The following DUSP10 variants were observed in gnomAD, a reference collection of about 807,000 sequenced individuals.
DUSP10 encodes the protein dual specificity protein phosphatase 10.
DUSP10 carries 14 observed loss-of-function variants against 30.8 expected under a neutral mutation model. The ratio of observed to expected loss-of-function variants is 0.46; its 90% CI spans 0.30 to 0.71. The LOEUF (loss-of-function observed/expected upper bound fraction) is 0.71. Ranked by LOEUF, DUSP10 falls within the 30% of genes least tolerant of loss-of-function variation. The pLI, the probability that DUSP10 is intolerant of heterozygous loss-of-function variation, is 0.08. For missense variants in DUSP10, 550 were observed against 619.4 expected (o/e 0.89, Z 1.19); for synonymous variants, 254 against 250.4 (o/e 1.01, Z -0.14).
chr1:221,725,388 C>A lies in DUSP10; in HGVS notation c.811+13546G>T, dbSNP rs974450555. On this transcript the variant is annotated intron_variant, in intron 2 of 3. Transcript: ENST00000366899. Reference sequence around the variant, plus strand: ...ATGATATACCACATTCAGCTCCTCCCAATCTTTGTAAGAGAGGGCTTCCTG... The same window carrying A: ...ATGATATACCACATTCAGCTCCTCCAAATCTTTGTAAGAGAGGGCTTCCTG... 2.4e-4 allele frequency among the ~76,000 whole-genome samples: 37 copies of A among 152,140 alleles called. 1 individual carries two copies. The highest frequency in any genetic ancestry group is 1.5e-5 in the Non-Finnish European group (1 of 68,038).
chr1:221,707,073 C>A (rs887775176), intron 2 of DUSP10, among the ~76,000 whole-genome samples: 1 of 152,198 alleles, frequency 6.6e-6, no homozygotes, highest in African/African-American at 2.4e-5. Flanking sequence ...TCAGTTCCAC[C>A]ATCTGTAAAC....
At position 221,706,871 on chromosome 1, in the gene DUSP10, C is replaced by T. The variant is rs748117127; in HGVS notation, c.812-405G>A. Among the ~76,000 whole-genome samples the T allele has an allele frequency of 6.6e-6, 1 of 152,148 alleles. No individual in the cohort carries two copies. The highest frequency in any genetic ancestry group is 1.5e-5 in the Non-Finnish European group (1 of 68,026). On this transcript the variant is annotated intron_variant, in intron 2 of 3. Transcript: ENST00000366899. The surrounding 1 kb of genome is among the most constrained non-coding windows in gnomAD (Gnocchi z 4.6). ...CCAAGAAAGGCACAGATGACCTCCT[C>T]GGGTGGAATCTCAGCACCACAGGAG...
chr1:221,708,115 A>T (rs969209386), intron 2 of DUSP10, among the ~76,000 whole-genome samples: 1 of 152,238 alleles, frequency 6.6e-6, no homozygotes, highest in African/African-American at 2.4e-5. Flanking sequence ...GGGGAAGTGG[A>T]AAAGTCCTAT....
chr1:221,705,997 T>C (rs1660747433), intron 3 of DUSP10, 98 bp downstream of exon 3: 1 of 1,508,806 alleles, frequency 6.6e-7, no homozygotes, highest in East Asian at 2.3e-5. Context: ...GCAGCTTTTC[T>C]TTTCCAACAC....
chr1:221,718,782 T>A (rs970155162), intron 2 of DUSP10, among the ~76,000 whole-genome samples: 4 of 152,238 alleles, frequency 2.6e-5, no homozygotes, highest in African/African-American at 9.6e-5. Context: ...ACATCACAGC[T>A]TCACAGCAAA....
intron 2 of DUSP10, among the ~76,000 whole-genome samples, chr1:221,719,684 A>G (rs1661221426): frequency 6.6e-6 from 1 of 152,174 alleles, no homozygotes; most frequent in African/African-American, 2.4e-5. Flanking sequence ...TGCATCCCGT[A>G]TCTGGCACCA....
At chr1:221,704,916 G>A (rs933611099) in intron 3 of DUSP10, among the ~76,000 whole-genome samples, 7 of 152,044 alleles carry the variant, frequency 4.6e-5, no homozygotes, top group African/African-American at 7.2e-5. Flanking sequence ...TAAACCTGAG[G>A]CTGTTTTTTT....
intron 2 of DUSP10, among the ~76,000 whole-genome samples, chr1:221,728,905 C>T (rs1293718416): frequency 6.6e-6 from 1 of 152,106 alleles, no homozygotes; most frequent in Non-Finnish European, 1.5e-5. Flanking sequence ...TCCTTCTATC[C>T]ACAGGCTACT....
chr1:221,712,655 A>G (rs2102622442), intron 2 of DUSP10, among the ~76,000 whole-genome samples: 1 of 152,174 alleles, frequency 6.6e-6, no homozygotes, highest in South Asian at 2.1e-4. Context: ...TTAGGAAGAT[A>G]TATCTAAAAA....
chr1:221,729,581 T>C (rs1179967530), intron 2 of DUSP10, among the ~76,000 whole-genome samples: 1 of 152,212 alleles, frequency 6.6e-6, no homozygotes, highest in Admixed American at 6.5e-5. Flanking sequence ...ACAGAGCTTC[T>C]CTGAGAACTA....
At chr1:221,731,882 C>G (rs945713908) in intron 2 of DUSP10, among the ~76,000 whole-genome samples, 25 of 151,780 alleles carry the variant, frequency 1.6e-4, no homozygotes, top group African/African-American at 5.8e-4. Flanking sequence ...GCTGGGATTA[C>G]AGGCATGAGC....
intron 2 of DUSP10, among the ~76,000 whole-genome samples, chr1:221,736,111 G>T (rs1661760395): frequency 6.6e-6 from 1 of 152,184 alleles, no homozygotes; most frequent in African/African-American, 2.4e-5. Flanking sequence ...GGGCTGCCAT[G>T]CCTCTGATCG....
chr1:221,736,779 C>T (rs1418125983), intron 2 of DUSP10: 22 of 980,710 alleles, frequency 2.2e-5, no homozygotes, highest in African/African-American at 3.5e-5. Flanking sequence ...TCCTGAACTA[C>T]ATATTTTCAA....
rs1571802460 is a variant in DUSP10 at position 221,701,549 on chromosome 1, G to A, written c.*863C>T. 1.6e-5 allele frequency: 2 copies of A among 125,666 alleles called. No homozygotes were observed. Among genetic ancestry groups the A allele is most frequent in the Admixed American group, 8.5e-5 (1 of 11,770 alleles). The allele number at this position is 125,666 out of a possible 1,614,324, so 7.8% of individuals were successfully genotyped here. A position where few individuals can be genotyped will look rare whatever the true frequency, so the allele number is the denominator to read the frequency against. On this transcript the variant is annotated 3_prime_UTR_variant, in exon 4 of 4. Transcript: ENST00000366899. ...TTTTCTTACATTCTGATATACATAT[G>A]TAACAAGGTTTATGGCACTGTAACC... is the stretch of plus-strand genomic sequence containing the variant.
At chr1:221,719,649 C>T (rs114996548) in intron 2 of DUSP10, among the ~76,000 whole-genome samples, 116 of 152,288 alleles carry the variant, frequency 7.6e-4, no homozygotes, top group Non-Finnish European at 1.4e-3. Context: ...ACCTGGGGCA[C>T]GCAGAATGAA....
intron 2 of DUSP10, among the ~76,000 whole-genome samples, chr1:221,733,813 A>C (rs1047991171): frequency 6.6e-6 from 1 of 152,220 alleles, no homozygotes; most frequent in Non-Finnish European, 1.5e-5. Context: ...TAAGTGAGCA[A>C]AATTTCACTC....
intron 2 of DUSP10, among the ~76,000 whole-genome samples, chr1:221,726,488 C>G (rs1286107915): frequency 1.3e-5 from 2 of 151,658 alleles, no homozygotes; most frequent in Non-Finnish European, 2.9e-5. Flanking sequence ...TGTGAGAAAC[C>G]CTGAAAAACA....
chr1:221,712,777 C>CAAAAAAAAAAAAAAA (rs58249338), intron 2 of DUSP10, among the ~76,000 whole-genome samples: 2 of 56,950 alleles, frequency 3.5e-5, no homozygotes, highest in Admixed American at 2.2e-4. Flanking sequence ...TATAAAGCAG[C>CAAAAAAAAAAAAAAA]AAAAAAAAAA....
chr1:221,714,053 T>C (rs942097562), intron 2 of DUSP10, among the ~76,000 whole-genome samples: 1 of 152,160 alleles, frequency 6.6e-6, no homozygotes, highest in Non-Finnish European at 1.5e-5. Context: ...TATTTAGTAA[T>C]GTTTTAAGAG....
Sources: allele counts gnomAD v4.1 joint callset (sites outside exome capture counted in the v4.1 genomes callset), GRCh38; gene constraint gnomAD v4.1.1; non-coding constraint Gnocchi (gnomAD v3.1); transcripts MANE v1.5; gene names NCBI Gene and HGNC (gene_info 2026-07-23, HGNC 2026-07-21).